MIPOL1: variants seen among roughly 807,000 people sequenced by gnomAD.
The protein encoded by MIPOL1 is mirror-image polydactyly 1, also known as mirror-image polydactyly gene 1 protein.
Under a neutral mutation model 60.9 loss-of-function variants are expected in MIPOL1, and 57 were observed. The observed-to-expected ratio is 0.94, with a 90% CI of 0.76 to 1.17. The LOEUF (loss-of-function observed/expected upper bound fraction) is 1.17, where lower values mean the gene tolerates loss of function less well. MIPOL1 is among the 50% of genes most tolerant of loss of function. The probability of loss-of-function intolerance (pLI) is 0.00; values close to 1 mark genes in which losing one functional copy is unlikely to be tolerated. For synonymous variants in MIPOL1, 179 were observed against 168.8 expected (o/e 1.06, Z -0.47); for missense variants, 551 against 511.6 (o/e 1.08, Z -0.74).
intron 9 of MIPOL1, among the ~76,000 whole-genome samples, chr14:37,343,709 C>G (rs755870405): frequency 6.6e-6 from 1 of 152,094 alleles, no homozygotes; most frequent in African/African-American, 2.4e-5. Context: ...GAACATAGAA[C>G]AGAATCATTA....
intron 9 of MIPOL1, among the ~76,000 whole-genome samples, chr14:37,356,481 C>T (rs2091840775): frequency 6.6e-6 from 1 of 152,164 alleles, no homozygotes; most frequent in Non-Finnish European, 1.5e-5. Flanking sequence ...CAAGCCTGGG[C>T]AATGGCGGGC....
chr14:37,374,500 G>T (rs2092722657), intron 10 of MIPOL1, among the ~76,000 whole-genome samples: 1 of 152,086 alleles, frequency 6.6e-6, no homozygotes, highest in Non-Finnish European at 1.5e-5. Context: ...TTTTCTTCTA[G>T]GATTTTTATG....
At chr14:37,551,582 A>T (rs1024088810), downstream of MIPOL1, 2 of 151,982 alleles carry the variant, frequency 1.3e-5, no homozygotes, top group African/African-American at 2.4e-5. Flanking sequence ...TATTTTAATT[A>T]AAAAAATAGG....
Position 37,247,005 on chromosome 14 carries a change from A to G in MIPOL1, c.-198-98A>G, listed in dbSNP as rs117781962. ...TGGTATATGAATCTCTTATTAAAAT[A>G]CTGCAATTATTATTAACCTTTTTGG... On this transcript the variant is annotated intron_variant, in intron 1 of 12. Transcript: ENST00000684589. The G allele has an allele frequency of 2.0e-5, 3 of 152,464 alleles. No individual in the cohort carries two copies. The East Asian group carries it at 5.8e-4, about 29-fold the overall frequency. The allele number at this position is 152,464 out of a possible 1,614,324, so 9.4% of individuals were successfully genotyped here.
chr14:37,525,325 G>C (rs184142856), intron 12 of MIPOL1, among the ~76,000 whole-genome samples: 31 of 152,274 alleles, frequency 2.0e-4, no homozygotes, highest in Non-Finnish European at 3.4e-4. Flanking sequence ...ACTTAGAAAG[G>C]ACATCTTTCT....
intron 6 of MIPOL1, chr14:37,276,614 C>G (rs896211929): frequency 2.0e-5 from 3 of 150,972 alleles, no homozygotes; most frequent in Non-Finnish European, 3.0e-5. Flanking sequence ...AGTTAATTTT[C>G]TTTACCAGAA....
intron 12 of MIPOL1, among the ~76,000 whole-genome samples, chr14:37,512,794 C>A (rs1452616395): frequency 1.3e-5 from 2 of 151,978 alleles, no homozygotes; most frequent in Non-Finnish European, 2.9e-5. Flanking sequence ...CTTAACTCAG[C>A]AGAAGGTATA....
intron 7 of MIPOL1, among the ~76,000 whole-genome samples, chr14:37,303,187 A>C (rs1246475756): frequency 6.6e-6 from 1 of 151,948 alleles, no homozygotes; most frequent in African/African-American, 2.4e-5. Flanking sequence ...AAGTAGGTAT[A>C]TTCATGTTTT....
At chr14:37,359,898 G>T (rs558213009) in intron 9 of MIPOL1, among the ~76,000 whole-genome samples, 1 of 151,960 alleles carries the variant, frequency 6.6e-6, no homozygotes, top group Non-Finnish European at 1.5e-5. Context: ...GTCTTGTGCC[G>T]GTTTTCAAAG....
At chr14:37,529,616 T>C (rs2095468363) in intron 12 of MIPOL1, among the ~76,000 whole-genome samples, 2 of 152,214 alleles carry the variant, frequency 1.3e-5, no homozygotes, top group Admixed American at 6.5e-5. Flanking sequence ...AAGTAACCTC[T>C]TAGTTGTTCA....
chr14:37,430,532 C>G (rs1382153280), intron 11 of MIPOL1, among the ~76,000 whole-genome samples: 1 of 146,798 alleles, frequency 6.8e-6, no homozygotes, highest in Non-Finnish European at 1.5e-5. Context: ...TATACATTTT[C>G]TGTATGTCCA....
At chr14:37,302,441 T>G (rs1225584410) in intron 7 of MIPOL1, among the ~76,000 whole-genome samples, 1 of 151,600 alleles carries the variant, frequency 6.6e-6, no homozygotes, top group Admixed American at 6.6e-5. Context: ...TGATGGTTTT[T>G]CAAATTGGAT....
At chr14:37,400,035 A>C (rs1231948894) in intron 10 of MIPOL1, 2 of 152,188 alleles carry the variant, frequency 1.3e-5, no homozygotes, top group African/African-American at 4.8e-5. Context: ...CAAGCCCTGA[A>C]GATAAAATTT....
At chr14:37,257,095 T>TTTTGTGTG (rs1555371897) in intron 3 of MIPOL1, among the ~76,000 whole-genome samples, 4 of 137,708 alleles carry the variant, frequency 2.9e-5, no homozygotes, top group Non-Finnish European at 4.7e-5. Flanking sequence ...TGGTTTTGTT[T>TTTTGTGTG]TGTGTGTGTG....
intron 1 of MIPOL1, among the ~76,000 whole-genome samples, chr14:37,219,364 T>A (rs889878607): frequency 6.6e-6 from 1 of 152,124 alleles, no homozygotes; most frequent in African/African-American, 2.4e-5. Flanking sequence ...TCCTTTTTAT[T>A]TATTTTTTAT....
chr14:37,499,562 C>T (rs2095184559), intron 11 of MIPOL1, among the ~76,000 whole-genome samples: 1 of 152,132 alleles, frequency 6.6e-6, no homozygotes, highest in Non-Finnish European at 1.5e-5. Context: ...CTTCTTTCAG[C>T]TTATTACATT....
At chr14:37,409,914 G>A (rs1048114079) in intron 10 of MIPOL1, among the ~76,000 whole-genome samples, 6 of 152,168 alleles carry the variant, frequency 3.9e-5, no homozygotes, top group Non-Finnish European at 8.8e-5. Flanking sequence ...GGTTCAACAA[G>A]CATTTAATTG....
rs1005481115 is a variant in MIPOL1 at position 37,493,314 on chromosome 14, A to G, written c.1032-6594A>G. Reference sequence around the variant, plus strand: ...AGTTGAAGAGAATATAAATATCTGCAAGCAAAACATATAAGTGGCTCATAA... The same window carrying G: ...AGTTGAAGAGAATATAAATATCTGCGAGCAAAACATATAAGTGGCTCATAA... On this transcript the variant is annotated intron_variant, in intron 11 of 12. Coordinates refer to ENST00000684589, the MANE Select transcript of MIPOL1 (RefSeq NM_001388067.1). Among the ~76,000 whole-genome samples, 11 of 152,336 alleles carry G rather than the reference A, an allele frequency of 7.2e-5. No homozygotes were observed. The South Asian group carries it at 1.7e-3, about 23-fold the overall frequency.
intron 1 of MIPOL1, among the ~76,000 whole-genome samples, chr14:37,234,323 A>G (rs1000425450): frequency 2.1e-5 from 3 of 144,342 alleles, no homozygotes; most frequent in Non-Finnish European, 4.5e-5. Context: ...CATCTTCAAT[A>G]TTGTCTGGTC....
Sources: allele counts gnomAD v4.1 joint callset (sites outside exome capture counted in the v4.1 genomes callset), GRCh38; gene constraint gnomAD v4.1.1; transcripts MANE v1.5; gene names NCBI Gene and HGNC (gene_info 2026-07-23, HGNC 2026-07-21).